Variants in TIMM44 observed in about 807,000 individuals in gnomAD.
TIMM44 encodes the protein mitochondrial import inner membrane translocase subunit TIM44.
A neutral mutation model predicts 63.8 loss-of-function variants in TIMM44; 37 were observed. The ratio of observed to expected loss-of-function variants is 0.58; its 90% CI spans 0.45 to 0.76. The LOEUF is 0.76. Ranked by LOEUF, TIMM44 falls within the 30% of genes least tolerant of loss-of-function variation. The pLI is 0.00. For missense variants in TIMM44, 573 were observed against 603.8 expected (o/e 0.95, Z 0.54); for synonymous variants, 239 against 245.1 (o/e 0.98, Z 0.23).
chr19:7,931,471 G>A (rs1211327236), intron 9 of TIMM44: 5 of 468,728 alleles, frequency 1.1e-5, no homozygotes, highest in Admixed American at 3.5e-5. Context: ...CCTGGTGGAG[G>A]AAGAGAAAGG....
chr19:7,940,562 CAGAG>C (rs1984282368), intron 2 of TIMM44, among the ~76,000 whole-genome samples: 2 of 152,120 alleles, frequency 1.3e-5, no homozygotes, highest in South Asian at 2.1e-4. Flanking sequence ...GCTCTGGGCG[CAGAG>C]AGAGAGGGAG....
intron 2 of TIMM44, among the ~76,000 whole-genome samples, chr19:7,938,416 GA>G (rs1005842203): frequency 6.6e-6 from 1 of 150,886 alleles, no homozygotes; most frequent in Non-Finnish European, 1.5e-5. Flanking sequence ...ATTCAGTGCT[GA>G]AAAAAAAATG....
rs1001687548 is a variant in TIMM44 at position 7,933,739 on chromosome 19, G to C, written c.683+125C>G. The C allele has an allele frequency of 1.0e-5, 15 of 1,490,354 alleles. No individual in the cohort carries two copies. In the African/African-American group the frequency reaches 2.1e-4, roughly 21 times the overall value. 92.3% of individuals were successfully genotyped at this position (1,490,354 alleles called of 1,614,324 possible). A position where few individuals can be genotyped will look rare whatever the true frequency, so the allele number is the denominator to read the frequency against. On this transcript the variant is annotated intron_variant, in intron 6 of 12. Coordinates refer to ENST00000270538, the MANE Select transcript of TIMM44 (RefSeq NM_006351.4). This position sits in a 1 kb window ranked among gnomAD's most constrained non-coding sequence, Gnocchi z 4.3. ...TCACCCTCAAATTCGAGGGAGCCGG[G>C]AACCTTGGGCAGAAGGCAAACTCAA...
rs772993035 is a variant in TIMM44, at chr19:7,935,115, T to C, written c.343A>G (p.Ser115Gly). The C allele has an allele frequency of 3.1e-6, 5 of 1,613,058 alleles. No homozygotes were observed. The highest frequency in any genetic ancestry group is 2.5e-6 in the Non-Finnish European group (3 of 1,179,704). The change falls in exon 4 of 13, where the codon AGC (serine) becomes GGC (glycine). Residue 115 changes from serine (S) to glycine (G), a missense_variant. Ser to Gly is a moderately conservative substitution (Grantham distance 56). Coordinates refer to ENST00000270538, the MANE Select transcript of TIMM44 (RefSeq NM_006351.4). ...KTIESETVRT[S>G]EVLRKKLGEL... Reference sequence around the variant, plus strand: ...CCAAGCTTCTTCCGTAGCACCTCGCTCGTCCGCACGGTTTCTGACTCGATG... The same window carrying C: ...CCAAGCTTCTTCCGTAGCACCTCGCCCGTCCGCACGGTTTCTGACTCGATG...
rs751586066 is a variant in TIMM44, at chr19:7,932,899, C to T, written c.803G>A (p.Ser268Asn). Reference protein sequence around the residue: ...FFEMKMKYDESDNAFIRASRA... With the variant: ...FFEMKMKYDENDNAFIRASRA... ...GGATGCCCGGATGAACGCGTTGTCG[C>T]TTTCGTCATACTTCATCTTCATCTC... Residue 268 changes from serine to asparagine, a missense_variant, in exon 8 of 13, where the codon AGC becomes AAC. Transcript: ENST00000270538. 2 of 1,614,194 alleles carry T rather than the reference C, an allele frequency of 1.2e-6. No homozygotes were observed. Among genetic ancestry groups the T allele is most frequent in the East Asian group, 2.2e-5 (1 of 44,872 alleles).
At position 7,926,927 on chromosome 19, in the gene TIMM44, C is replaced by A. The variant is rs1197879991; in HGVS notation, c.*260G>T. 4 of 486,948 alleles carry A rather than the reference C, an allele frequency of 8.2e-6. No homozygotes were observed. Among genetic ancestry groups the A allele is most frequent in the Non-Finnish European group, 1.5e-5 (4 of 265,238 alleles). 30.2% of individuals were successfully genotyped at this position (486,948 alleles called of 1,614,324 possible). A position where few individuals can be genotyped will look rare whatever the true frequency, so the allele number is the denominator to read the frequency against. ...TGGCACTGTGTGACCTGTGTGCACC[C>A]CAGGTGACCAGGCGCCGGGACCCCT... On this transcript the variant is annotated 3_prime_UTR_variant, in exon 13 of 13. Transcript: ENST00000270538.
At position 7,934,134 on chromosome 19, in the gene TIMM44, G is replaced by T. The variant is rs780005890; in HGVS notation, c.498C>A (p.Gly166=). The change falls in exon 5 of 13, where the codon GGC becomes GGA. Residue 166 remains glycine (G), a synonymous_variant. Transcript: ENST00000270538. This position sits in a 1 kb window ranked among gnomAD's most constrained non-coding sequence, Gnocchi z 5.3. ...CCGCTGTCCTGCCCAGCTTCTCCCC[G>T]CCTTTGGATACCGACTCGGCCGACT... is the stretch of plus-strand genomic sequence containing the variant. ...AKQSAESVSK[G]GEKLGRTAAF... The T allele has an allele frequency of 1.2e-6, 2 of 1,613,322 alleles. No homozygotes were observed. The highest frequency in any genetic ancestry group is 1.7e-6 in the Non-Finnish European group (2 of 1,179,984).
chr19:7,942,662 C>CTTTT (rs869229145), intron 1 of TIMM44, among the ~76,000 whole-genome samples: 1 of 139,524 alleles, frequency 7.2e-6, no homozygotes, highest in African/African-American at 2.6e-5. Context: ...TTGAGGATAA[C>CTTTT]TTTTTTTTTT....
chr19:7,938,625 G>A (rs1984221296), intron 2 of TIMM44, among the ~76,000 whole-genome samples: 1 of 152,060 alleles, frequency 6.6e-6, no homozygotes, highest in African/African-American at 2.4e-5. Context: ...TGGCCAAAAT[G>A]GTGAAACCTC....
In TIMM44 at chr19:7,933,974, G is replaced by T; in HGVS notation, c.573C>A (p.Asp191Glu). 1 of 1,614,104 alleles carries T rather than the reference G, an allele frequency of 6.2e-7. No individual in the cohort carries two copies. Among genetic ancestry groups the T allele is most frequent in the Non-Finnish European group, 8.5e-7 (1 of 1,180,030 alleles). The stretch of plus-strand genomic sequence containing the variant: ...GCCCGGTCTGTCCCAGGACGCTGTC[G>T]TCAATTTCCTTCTTCACGGACTCCA... ...QGVESVKKEI[D>E]DSVLGQTGPY... The change falls in exon 6 of 13, where the codon GAC becomes GAA. Residue 191 changes from aspartate to glutamate, a missense_variant. By Grantham distance (45) the Asp-to-Glu change is conservative (BLOSUM62 2). Coordinates refer to ENST00000270538, the MANE Select transcript of TIMM44 (RefSeq NM_006351.4). This position sits in a 1 kb window ranked among gnomAD's most constrained non-coding sequence, Gnocchi z 4.3.
In TIMM44 at chr19:7,933,880, C is replaced by T. The variant is rs1468961146; in HGVS notation, c.667G>A (p.Val223Met). 6.2e-7 allele frequency: 1 copy of T among 1,614,080 alleles called. No individual in the cohort carries two copies. The highest frequency in any genetic ancestry group is 8.5e-7 in the Non-Finnish European group (1 of 1,180,050). ...GGTACCTACTCGTTTGGCTCAAACA[C>T]TTTCTCCTCCTTGAACTTATCTCCC... Reference protein sequence around the residue: ...FAGDKFKEEKVFEPNEEALGV... With the variant: ...FAGDKFKEEKMFEPNEEALGV... The change falls in exon 6 of 13, where the codon GTG (valine) becomes ATG (methionine). Residue 223 changes from valine to methionine, a missense_variant. Coordinates refer to ENST00000270538, the MANE Select transcript of TIMM44 (RefSeq NM_006351.4). The surrounding 1 kb of genome is among the most constrained non-coding windows in gnomAD (Gnocchi z 4.3).
intron 9 of TIMM44, 76 bp downstream of exon 9, chr19:7,932,551 G>C: frequency 1.9e-6 from 3 of 1,592,282 alleles, no homozygotes; most frequent in Non-Finnish European, 2.6e-6. Flanking sequence ...CAGCACCCAG[G>C]GTGCCGGCTG....
At chr19:7,935,211 G>A (rs1984116715) in intron 3 of TIMM44, 66 bp from the exon 4 acceptor site, 5 of 1,406,964 alleles carry the variant, frequency 3.6e-6, no homozygotes, top group Non-Finnish European at 4.9e-6. Context: ...CGTTGCCGAG[G>A]CTGGAGTACA....
At chr19:7,935,235 G>A (rs114410444) in intron 3 of TIMM44, 90 bp from the exon 4 acceptor site, 10 of 1,166,220 alleles carry the variant, frequency 8.6e-6, no homozygotes, top group Middle Eastern at 2.1e-4. Context: ...GCACGCTCTC[G>A]GCTCACTGCA....
At chr19:7,930,698 T>C (rs1419519444) in intron 10 of TIMM44, among the ~76,000 whole-genome samples, 16 of 152,208 alleles carry the variant, frequency 1.1e-4, no homozygotes, top group Middle Eastern at 3.4e-3. Flanking sequence ...ATCTCCCGCC[T>C]TGGGCTGCTG....
Position 7,927,612 on chromosome 19 carries a change from G to A in TIMM44, c.1239+45C>T, listed in dbSNP as rs747471154. On this transcript the variant is annotated intron_variant, in intron 12 of 12. Transcript: ENST00000270538. ...CAGGTGGCCACACACAGATCTTGGG[G>A]ACAGGCGGTGTCATGTGCCTGCCCC... 2.0e-5 allele frequency: 32 copies of A among 1,567,938 alleles called. No homozygotes were observed. In the Admixed American group the frequency reaches 3.5e-4, roughly 17 times the overall value.
chr19:7,927,773 G>C lies in TIMM44; in HGVS notation c.1129-6C>G, dbSNP rs777136110. On this transcript the variant is annotated splice_region_variant and splice_polypyrimidine_tract_variant and intron_variant, in intron 11 of 12. Coordinates refer to ENST00000270538, the MANE Select transcript of TIMM44 (RefSeq NM_006351.4). ...ATCATCTTGCCCATGGCCAGCTGCA[G>C]AGGGGCCGAGAGGGGGGATGTGCCT... 9 of 1,608,116 alleles carry C rather than the reference G, an allele frequency of 5.6e-6. No individual in the cohort carries two copies. The Admixed American group carries it at 8.3e-5, about 15-fold the overall frequency.
chr19:7,938,321 G>T, intron 2 of TIMM44, 124 bp from the exon 3 acceptor site: 1 of 700,810 alleles, frequency 1.4e-6, no homozygotes, highest in Non-Finnish European at 2.3e-6. Context: ...ATTTAATGAT[G>T]ATTAGCTATC....
chr19:7,933,653 A>G lies in TIMM44; in HGVS notation c.684-83T>C. On this transcript the variant is annotated intron_variant, in intron 6 of 12. Transcript: ENST00000270538. The surrounding 1 kb of genome is among the most constrained non-coding windows in gnomAD (Gnocchi z 4.3). ...CCTGCGGCTGCAGGCAGGGGGCAGTACAGGACAGCAGGCAGCTGAGACCTC... is the reference window on the plus strand; with the variant it reads ...CCTGCGGCTGCAGGCAGGGGGCAGTGCAGGACAGCAGGCAGCTGAGACCTC... 2 of 1,363,872 alleles carry G rather than the reference A, an allele frequency of 1.5e-6. No individual in the cohort carries two copies. Among genetic ancestry groups the G allele is most frequent in the Admixed American group, 3.4e-5 (2 of 59,330 alleles). The allele number at this position is 1,363,872 out of a possible 1,614,324, so 84.5% of individuals were successfully genotyped here.
Sources: gnomAD v4.1 joint callset for allele counts (sites outside exome capture counted in the v4.1 genomes callset) on GRCh38, gnomAD v4.1.1 for gene constraint, Gnocchi (gnomAD v3.1) non-coding constraint, MANE v1.5 for transcripts, NCBI Gene and HGNC (gene_info 2026-07-23, HGNC 2026-07-21) for gene names.